KLHL10: variants seen among roughly 807,000 people sequenced by gnomAD.
KLHL10 encodes the protein kelch like family member 10.
In KLHL10, 11 loss-of-function variants were observed where a neutral mutation model predicts 46.6. That is an observed-to-expected ratio of 0.24 (90% confidence interval 0.15 to 0.39). KLHL10 has a LOEUF of 0.39. Among genes scored for constraint, KLHL10 ranks in the 10% least tolerant of loss-of-function variants. The probability of loss-of-function intolerance (pLI) is 1.00; values close to 1 mark genes in which losing one functional copy is unlikely to be tolerated. For missense variants in KLHL10, 475 were observed against 789.8 expected (o/e 0.60, Z 4.78); for synonymous variants, 254 against 279.1 (o/e 0.91, Z 0.90).
intron 3 of KLHL10, 63 bp downstream of exon 3, chr17:41,845,806 CTCT>C (rs1254900544): frequency 6.2e-7 from 1 of 1,600,296 alleles, no homozygotes; most frequent in Non-Finnish European, 8.5e-7. Flanking sequence ...AATGATACTG[CTCT>C]TTTTTGGGGT....
In KLHL10 at chr17:41,845,471, A is replaced by T; in HGVS notation, c.1030A>T (p.Ile344Phe). The T allele has an allele frequency of 1.2e-6, 2 of 1,614,152 alleles. No homozygotes were observed. The part of the protein sequence containing the change: ...AAYLKGYVYI[I>F]GGFDSVDYFN... Reference sequence around the variant, plus strand: ...CTATTTGAAAGGCTATGTGTATATCATTGGGGGGTTTGATAGTGTAGACTA... The same window carrying T: ...CTATTTGAAAGGCTATGTGTATATCTTTGGGGGGTTTGATAGTGTAGACTA... The change falls in exon 3 of 5, where the codon ATT becomes TTT. Residue 344 changes from isoleucine (I) to phenylalanine (F), a missense_variant. By Grantham distance (21) the Ile-to-Phe change is conservative (BLOSUM62 0). Coordinates refer to ENST00000293303, the MANE Select transcript of KLHL10 (RefSeq NM_152467.5).
chr17:41,836,299 G>A (rs2048158865), upstream of KLHL10: 1 of 1,229,736 alleles, frequency 8.1e-7, no homozygotes, highest in Non-Finnish European at 1.0e-6. Context: ...TGGTGGGGCC[G>A]GGGGCGGGGC....
rs2048274243 is a variant in KLHL10 at position 41,845,417 on chromosome 17, G to C, written c.976G>C (p.Glu326Gln). ...DRWVNVTCEE[E>Q]SPRAYHGAAY... is the part of the protein sequence containing the mutation. The stretch of plus-strand genomic sequence containing the variant: ...ATGGGTGAATGTTACTTGTGAGGAA[G>C]AGAGTCCCCGTGCCTACCATGGGGC... Residue 326 changes from glutamate (E) to glutamine (Q), a missense_variant, in exon 3 of 5, where the codon GAG becomes CAG. By Grantham distance (29) the Glu-to-Gln change is conservative. Transcript: ENST00000293303. 1 of 1,614,132 alleles carries C rather than the reference G, an allele frequency of 6.2e-7. No homozygotes were observed. The highest frequency in any genetic ancestry group is 1.7e-5 in the Admixed American group (1 of 60,014).
intron 3 of KLHL10, among the ~76,000 whole-genome samples, chr17:41,846,364 T>C (rs1164369340): frequency 6.6e-6 from 1 of 150,804 alleles, no homozygotes; most frequent in Non-Finnish European, 1.5e-5. Flanking sequence ...CTACTAAAAA[T>C]ACAAAAAATT....
upstream of KLHL10, chr17:41,837,513 G>A: frequency 9.9e-7 from 1 of 1,008,692 alleles, no homozygotes; most frequent in South Asian, 4.2e-5. Context: ...GGATTTCCTT[G>A]AGTTCGGTGT....
Position 41,847,911 on chromosome 17 carries a change from G to A in KLHL10, c.1453-22G>A, listed in dbSNP as rs367944061. 1.1e-4 allele frequency: 173 copies of A among 1,613,464 alleles called. No individual in the cohort carries two copies. The African/African-American group carries it at 1.8e-3, about 17-fold the overall frequency. On this transcript the variant is annotated intron_variant, in intron 4 of 4. Transcript: ENST00000293303. Reference sequence around the variant, plus strand: ...CAGAATCAATGGTTAGCAGTCAACCGTGTTTCTTTTGCTATCCACAGGTAG... The same window carrying A: ...CAGAATCAATGGTTAGCAGTCAACCATGTTTCTTTTGCTATCCACAGGTAG...
upstream of KLHL10, chr17:41,835,716 C>A: frequency 1.1e-6 from 1 of 884,086 alleles, no homozygotes; most frequent in South Asian, 1.4e-5. Flanking sequence ...GCGAACCAAC[C>A]CGCTCTCCTT....
chr17:41,836,185 C>A, upstream of KLHL10: 1 of 1,261,752 alleles, frequency 7.9e-7, no homozygotes, highest in Non-Finnish European at 9.9e-7. Flanking sequence ...TCCTCACCTC[C>A]TCTGCCATCC....
At chr17:41,840,874 G>A (rs1235077085) in intron 1 of KLHL10, among the ~76,000 whole-genome samples, 22 of 152,112 alleles carry the variant, frequency 1.4e-4, no homozygotes, top group African/African-American at 5.3e-4. Flanking sequence ...CCAGCACTTT[G>A]GGAGGCCGAG....
upstream of KLHL10, chr17:41,835,824 C>A: frequency 6.4e-7 from 1 of 1,569,176 alleles, no homozygotes. Flanking sequence ...CCAGCCGCCC[C>A]CAGCCCGGCC....
upstream of KLHL10, chr17:41,836,266 C>T (rs868945428): frequency 1.2e-4 from 136 of 1,158,586 alleles, no homozygotes; most frequent in Middle Eastern, 3.9e-3. Context: ...GCGTCGCCTC[C>T]CGCCTGGAGC....
Position 41,840,642 on chromosome 17 carries a change from T to C in KLHL10, c.195-1181T>C, listed in dbSNP as rs1284449168. 8.4e-4 allele frequency among the ~76,000 whole-genome samples: 24 copies of C among 28,702 alleles called. 1 individual carries two copies. The highest frequency in any genetic ancestry group is 2.4e-3 in the African/African-American group (24 of 9,992). 18.8% of individuals were successfully genotyped at this position (28,702 alleles called of 152,430 possible). A position where few individuals can be genotyped will look rare whatever the true frequency, so the allele number is the denominator to read the frequency against. ...CTGGGTGACAGAGCGAGACTCCATC[T>C]CAAAAAAAAAAAAAAGATTTTTTCC... is the stretch of plus-strand genomic sequence containing the variant. On this transcript the variant is annotated intron_variant, in intron 1 of 4. Transcript: ENST00000293303.
chr17:41,843,636 T>C (rs2048250416), intron 2 of KLHL10, among the ~76,000 whole-genome samples: 1 of 152,192 alleles, frequency 6.6e-6, no homozygotes, highest in Non-Finnish European at 1.5e-5. Flanking sequence ...CTTGGTCTAA[T>C]AGTACTGACC....
In KLHL10 at chr17:41,840,081, T is replaced by G. The variant is rs573416956; in HGVS notation, c.195-1742T>G. ...CCTGACTTCAGGTGATCCGCCTGCCTCAGCCTCCCAGAGTGCTGGGATTAC... is the reference window on the plus strand; with the variant it reads ...CCTGACTTCAGGTGATCCGCCTGCCGCAGCCTCCCAGAGTGCTGGGATTAC... On this transcript the variant is annotated intron_variant, in intron 1 of 4. Transcript: ENST00000293303. 2.6e-5 allele frequency among the ~76,000 whole-genome samples: 4 copies of G among 152,298 alleles called. No homozygotes were observed. The East Asian group carries it at 7.7e-4, about 29-fold the overall frequency.
chr17:41,846,412 C>T (rs1287509111), intron 3 of KLHL10, among the ~76,000 whole-genome samples: 6 of 151,702 alleles, frequency 4.0e-5, no homozygotes, highest in Admixed American at 6.6e-5. Context: ...GTCCCAGCTA[C>T]TCAGGAGGCT....
Position 41,845,605 on chromosome 17 carries a change from T to C in KLHL10, c.1164T>C (p.Ile388=). 1 of 1,614,102 alleles carries C rather than the reference T, an allele frequency of 6.2e-7. No homozygotes were observed. Among genetic ancestry groups the C allele is most frequent in the Non-Finnish European group, 8.5e-7 (1 of 1,179,966 alleles). Residue 388 remains isoleucine (I), a synonymous_variant, in exon 3 of 5, where the codon ATT becomes ATC. Coordinates refer to ENST00000293303, the MANE Select transcript of KLHL10 (RefSeq NM_152467.5). ...YVSVTVLGNF[I]YAMGGFDGYV... The stretch of plus-strand genomic sequence containing the variant: ...GTGTGACAGTCCTCGGCAATTTTAT[T>C]TATGCCATGGGAGGATTTGATGGCT...
intron 3 of KLHL10, among the ~76,000 whole-genome samples, chr17:41,846,190 C>A (rs961571403): frequency 6.7e-6 from 1 of 148,856 alleles, no homozygotes; most frequent in East Asian, 2.0e-4. Context: ...CCAGCCCGGG[C>A]GACAGTGCAA....
At position 41,842,072 on chromosome 17, in the gene KLHL10, G is replaced by A. The variant is rs541192046; in HGVS notation, c.444G>A (p.Thr148=). ...LDNCIGICKF[T]DYYYCPELRQ... ...ATTGTATCGGCATCTGTAAGTTCAC[G>A]GACTACTACTACTGTCCTGAGCTGA... The change falls in exon 2 of 5, where the codon ACG becomes ACA. Residue 148 remains threonine (T), a synonymous_variant. Coordinates refer to ENST00000293303, the MANE Select transcript of KLHL10 (RefSeq NM_152467.5). The A allele has an allele frequency of 2.7e-5, 44 of 1,614,088 alleles. No individual in the cohort carries two copies. In the Admixed American group the frequency reaches 5.0e-4, roughly 18 times the overall value.
chr17:41,841,355 C>T (rs1447894722), intron 1 of KLHL10, among the ~76,000 whole-genome samples: 1 of 152,040 alleles, frequency 6.6e-6, no homozygotes, highest in East Asian at 1.9e-4. Context: ...CGCTGTGTCC[C>T]CCAGGCTGGA....
Sources: gnomAD v4.1 joint callset for allele counts (sites outside exome capture counted in the v4.1 genomes callset) on GRCh38, gnomAD v4.1.1 for gene constraint, MANE v1.5 for transcripts, NCBI Gene and HGNC (gene_info 2026-07-23, HGNC 2026-07-21) for gene names.